The following PCDHA12 variants were observed in gnomAD, a reference collection of about 807,000 sequenced individuals.
PCDHA12 encodes the protein protocadherin alpha-12.
A neutral mutation model predicts 60.0 loss-of-function variants in PCDHA12; 44 were observed. The ratio of observed to expected loss-of-function variants is 0.73; its 90% CI spans 0.58 to 0.94. The LOEUF (loss-of-function observed/expected upper bound fraction) is 0.94, where lower values mean the gene tolerates loss of function less well. Among genes scored for constraint, PCDHA12 ranks in the 40% least tolerant of loss-of-function variants. The pLI, the probability that PCDHA12 is intolerant of heterozygous loss-of-function variation, is 0.00. For synonymous variants in PCDHA12, 569 were observed against 553.0 expected, an observed-to-expected ratio of 1.03 and a Z score of -0.40; for missense variants, 1,276 against 1,239.7, an observed-to-expected ratio of 1.03 and a Z score of -0.44.
chr5:140,907,087 G>A (rs1554192866), intron 1 of PCDHA12, among the ~76,000 whole-genome samples: 2 of 152,194 alleles, frequency 1.3e-5, no homozygotes, highest in Non-Finnish European at 2.9e-5. Flanking sequence ...GTGATGGTAA[G>A]TGGTGCCACT....
rs1362509837 is a variant in PCDHA12, at chr5:140,884,388, T to A, written c.2367+6549T>A. On this transcript the variant is annotated intron_variant, in intron 1 of 3. Transcript: ENST00000398631. ...TACTTGATCATTGCCATCTGCGCGG[T>A]GTCCAGCCTGTTGGTGCTCACGTTG... 3 of 1,613,960 alleles carry A rather than the reference T, an allele frequency of 1.9e-6. No individual in the cohort carries two copies. In the Admixed American group the frequency reaches 5.0e-5, roughly 27 times the overall value.
chr5:140,993,134 A>G (rs2097542279), intron 3 of PCDHA12, among the ~76,000 whole-genome samples: 1 of 152,238 alleles, frequency 6.6e-6, no homozygotes, highest in African/African-American at 2.4e-5. Flanking sequence ...CTTCTGTTGC[A>G]ACAAGTATAA....
intron 1 of PCDHA12, among the ~76,000 whole-genome samples, chr5:140,920,362 T>C (rs1167382464): frequency 6.6e-6 from 1 of 152,238 alleles, no homozygotes; most frequent in African/African-American, 2.4e-5. Context: ...GTTCTATTCA[T>C]TTATTCTTGT....
At position 140,876,081 on chromosome 5, in the gene PCDHA12, G is replaced by A. The variant is rs568872116; in HGVS notation, c.609G>A (p.Glu203=). Residue 203 remains glutamate, a synonymous_variant, in exon 1 of 4, where the codon GAG becomes GAA. Coordinates refer to ENST00000398631, the MANE Select transcript of PCDHA12 (RefSeq NM_018903.4). ...TTCTTCGGAAGTTATTGGACAGAGAGCAAACGCCAAAACTCAATTTATTGC... is the reference window on the plus strand; with the variant it reads ...TTCTTCGGAAGTTATTGGACAGAGAACAAACGCCAAAACTCAATTTATTGC... ...ELVLRKLLDR[E]QTPKLNLLLM... is the part of the protein sequence containing the mutation. 1 of 1,613,944 alleles carries A rather than the reference G, an allele frequency of 6.2e-7. No homozygotes were observed. The highest frequency in any genetic ancestry group is 1.3e-5 in the African/African-American group (1 of 75,058).
rs1554168970 is a variant in PCDHA12 at position 140,876,824 on chromosome 5, A to G, written c.1352A>G (p.Asn451Ser). The G allele has an allele frequency of 1.2e-6, 2 of 1,614,116 alleles. No homozygotes were observed. Among genetic ancestry groups the G allele is most frequent in the Non-Finnish European group, 1.7e-6 (2 of 1,180,016 alleles). ...GTGGAGGTGGCCGACGTGAACGACAATGCGCCTGCGTTCGCGCAGCCCGAG... is the reference window on the plus strand; with the variant it reads ...GTGGAGGTGGCCGACGTGAACGACAGTGCGCCTGCGTTCGCGCAGCCCGAG... ...VSVEVADVND[N>S]APAFAQPEYT... Residue 451 changes from asparagine (N) to serine (S), a missense_variant, in exon 1 of 4, where the codon AAT becomes AGT. By Grantham distance (46) the Asn-to-Ser change is conservative. Transcript: ENST00000398631.
At chr5:140,920,269 A>G (rs1342153832) in intron 1 of PCDHA12, among the ~76,000 whole-genome samples, 1 of 152,224 alleles carries the variant, frequency 6.6e-6, no homozygotes, top group Non-Finnish European at 1.5e-5. Flanking sequence ...TTATTACTTT[A>G]TGTAATCTTA....
intron 1 of PCDHA12, chr5:140,966,857 C>A: frequency 6.3e-7 from 1 of 1,575,742 alleles, no homozygotes; most frequent in Non-Finnish European, 8.6e-7. Flanking sequence ...TCTCCTGCTG[C>A]TGTTGCTGCT....
intron 1 of PCDHA12, chr5:140,967,401 G>T (rs374310490): frequency 1.2e-6 from 2 of 1,611,944 alleles, no homozygotes; most frequent in Non-Finnish European, 1.7e-6. Flanking sequence ...CTGGTGCTGC[G>T]TAAGGGCCTA....
intron 3 of PCDHA12, among the ~76,000 whole-genome samples, chr5:140,989,709 C>T (rs2097355670): frequency 6.6e-6 from 1 of 152,160 alleles, no homozygotes; most frequent in South Asian, 2.1e-4. Flanking sequence ...TCTTCAGAGG[C>T]AGTCAGCTTT....
At chr5:141,000,410 TA>T (rs2097918693) in intron 3 of PCDHA12, among the ~76,000 whole-genome samples, 2 of 101,940 alleles carry the variant, frequency 2.0e-5, no homozygotes, top group African/African-American at 7.8e-5. Flanking sequence ...TATATATATA[TA>T]TATATATATA....
At chr5:140,978,909 C>G (rs782321430) in intron 1 of PCDHA12, 40 bp from the exon 2 acceptor site, 2 of 1,613,660 alleles carry the variant, frequency 1.2e-6, no homozygotes, top group South Asian at 2.2e-5. Context: ...AGAACATTGT[C>G]TTGTCATTTT....
intron 1 of PCDHA12, chr5:140,968,708 A>G: frequency 1.2e-6 from 2 of 1,614,126 alleles, no homozygotes; most frequent in Non-Finnish European, 1.7e-6. Flanking sequence ...TACCAGGAAG[A>G]TGGGAGATGA....
At position 140,929,035 on chromosome 5, in the gene PCDHA12, G is replaced by T. The variant is rs6877058; in HGVS notation, c.2368-49914G>T. 2.5e-3 allele frequency: 4,027 copies of T among 1,614,128 alleles called. 64 individuals are homozygous for T. In the African/African-American group the frequency reaches 0.039, roughly 15 times the overall value. On this transcript the variant is annotated intron_variant, in intron 1 of 3. Coordinates refer to ENST00000398631, the MANE Select transcript of PCDHA12 (RefSeq NM_018903.4). The stretch of plus-strand genomic sequence containing the variant: ...GTTGCACCAGAGCCCAGGCTGTTGC[G>T]CTCAGAGCTGCTGTCGCTCTACAGA...
intron 1 of PCDHA12, among the ~76,000 whole-genome samples, chr5:140,941,877 A>T (rs1554214743): frequency 1.3e-5 from 2 of 152,224 alleles, no homozygotes; most frequent in Non-Finnish European, 2.9e-5. Flanking sequence ...TTCTATCACC[A>T]GTGACTAGCA....
intron 1 of PCDHA12, among the ~76,000 whole-genome samples, chr5:140,955,453 C>T (rs1372474602): frequency 6.6e-6 from 1 of 152,012 alleles, no homozygotes; most frequent in Admixed American, 6.6e-5. Context: ...TTTATAAGGG[C>T]TTTTTCCTTT....
intron 1 of PCDHA12, among the ~76,000 whole-genome samples, chr5:140,900,040 G>A (rs1407235485): frequency 4.6e-5 from 7 of 152,046 alleles, no homozygotes; most frequent in Non-Finnish European, 8.8e-5. Flanking sequence ...GAATTCCTGG[G>A]CTCAAGTGAT....
intron 1 of PCDHA12, among the ~76,000 whole-genome samples, chr5:140,941,214 C>CCTTCCTTTCTTTCTTTCTTTCTTT (rs1554214040): frequency 1.1e-4 from 13 of 122,412 alleles, no homozygotes; most frequent in Non-Finnish European, 1.5e-4. Flanking sequence ...TTTCTTTCTT[C>CCTTCCTTTCTTTCTTTCTTTCTTT]CTTTCTTTCT....
chr5:140,927,342 T>TGAC (rs1554204398), intron 1 of PCDHA12: 2 of 1,614,160 alleles, frequency 1.2e-6, no homozygotes, highest in Admixed American at 3.3e-5. Flanking sequence ...ATGCCCAAGA[T>TGAC]GACGACGAGG....
intron 1 of PCDHA12, among the ~76,000 whole-genome samples, chr5:140,948,051 T>A (rs1554218425): frequency 2.0e-5 from 3 of 151,622 alleles, no homozygotes; most frequent in African/African-American, 7.2e-5. Context: ...CATGATTCAT[T>A]GTTGAATTTC....
Sources: gnomAD v4.1 joint callset for allele counts (sites outside exome capture counted in the v4.1 genomes callset) on GRCh38, gnomAD v4.1.1 for gene constraint, MANE v1.5 for transcripts, NCBI Gene and HGNC (gene_info 2026-07-23, HGNC 2026-07-21) for gene names.